The following DNAH3 variants were observed in gnomAD, a reference collection of about 807,000 sequenced individuals.
DNAH3 encodes dynein axonemal heavy chain 3.
In DNAH3, 332 loss-of-function variants were observed where a neutral mutation model predicts 432.5. That is an observed-to-expected ratio of 0.77 (90% CI 0.70 to 0.84). The LOEUF (loss-of-function observed/expected upper bound fraction) is 0.84. Among genes scored for constraint, DNAH3 ranks in the 40% least tolerant of loss-of-function variants. DNAH3 has a pLI of 0.00. For missense variants in DNAH3, 4,861 were observed against 5,114.0 expected, an observed-to-expected ratio of 0.95 and a Z score of 1.51; for synonymous variants, 1,956 against 1,900.2, an observed-to-expected ratio of 1.03 and a Z score of -0.76.
intron 7 of DNAH3, among the ~76,000 whole-genome samples, chr16:21,133,590 A>G (rs2092600558): frequency 1.3e-5 from 2 of 151,836 alleles, no homozygotes; most frequent in South Asian, 4.2e-4. Context: ...AAGATGCAAA[A>G]TTAGCCAGGC....
At chr16:21,156,195 ATTTTATTTAT>A (rs1201872899) in intron 1 of DNAH3, among the ~76,000 whole-genome samples, 176 of 140,084 alleles carry the variant, frequency 1.3e-3, no homozygotes, top group African/African-American at 3.0e-3. Context: ...ATTTTATTTT[ATTTTATTTAT>A]TTTATTTTAT....
intron 58 of DNAH3, 111 bp from the exon 59 acceptor site, chr16:20,941,654 T>C (rs1051232349): frequency 7.4e-7 from 1 of 1,360,256 alleles, no homozygotes; most frequent in East Asian, 2.3e-5. Context: ...TCTGTGGGAC[T>C]TTCCTGAGAA....
intron 10 of DNAH3, among the ~76,000 whole-genome samples, chr16:21,121,417 A>G (rs1016528334): frequency 2.0e-5 from 3 of 152,190 alleles, no homozygotes; most frequent in African/African-American, 4.8e-5. Flanking sequence ...ACAAACAAAT[A>G]AGCACACAGA....
intron 37 of DNAH3, among the ~76,000 whole-genome samples, chr16:21,028,699 A>T (rs2152721446): frequency 6.6e-6 from 1 of 152,122 alleles, no homozygotes; most frequent in East Asian, 1.9e-4. Flanking sequence ...TCTAGTGTGT[A>T]GCAAGTAAAA....
At chr16:21,146,218 T>C (rs2092781479) in intron 1 of DNAH3, 130 bp from the exon 3 acceptor site, 2 of 610,150 alleles carry the variant, frequency 3.3e-6, no homozygotes, top group East Asian at 5.6e-5. Context: ...AACAAAACAC[T>C]CCTCTCATTC....
chr16:20,975,976 C>T (rs1023846763), intron 50 of DNAH3, among the ~76,000 whole-genome samples: 4 of 152,180 alleles, frequency 2.6e-5, no homozygotes, highest in African/African-American at 9.6e-5. Context: ...AACTCCTGAC[C>T]TCAGGTGATC....
Position 21,060,359 on chromosome 16 carries a change from A to G in DNAH3, c.3721-3T>C. The G allele has an allele frequency of 2.5e-6, 4 of 1,612,866 alleles. No homozygotes were observed. The highest frequency in any genetic ancestry group is 3.4e-6 in the Non-Finnish European group (4 of 1,179,238). ...TGGAGCCACTTTTCCACCATGCCCT[A>G]TGGAGCAAGACAGAGAGAGGGTGCA... On this transcript the variant is annotated splice_region_variant and splice_polypyrimidine_tract_variant and intron_variant, in intron 25 of 61. Transcript: ENST00000261383.
At chr16:20,943,750 G>A (rs1596882205) in intron 58 of DNAH3, among the ~76,000 whole-genome samples, 1 of 152,120 alleles carries the variant, frequency 6.6e-6, no homozygotes, top group South Asian at 2.1e-4. Flanking sequence ...GGAAGCCAAC[G>A]CAAGCAGATT....
At chr16:21,000,270 C>G (rs768244435) in exon 43 of DNAH3, 1 of 1,614,102 alleles carries the variant, frequency 6.2e-7, no homozygotes, top group Non-Finnish European at 8.5e-7. Context: ...CGAAAAGGCC[C>G]TTCCGTCGTC....
At chr16:21,013,923 A>G (rs565101830) in intron 41 of DNAH3, among the ~76,000 whole-genome samples, 1 of 152,328 alleles carries the variant, frequency 6.6e-6, no homozygotes, top group South Asian at 2.1e-4. Context: ...TATCCATTAA[A>G]GAAATTTAAT....
In DNAH3 at chr16:21,060,222, G is replaced by C. The variant is rs374818382; in HGVS notation, c.3813+42C>G. 4.6e-5 allele frequency: 69 copies of C among 1,486,252 alleles called. No homozygotes were observed. The African/African-American group carries it at 8.4e-4, about 18-fold the overall frequency. 92.1% of individuals were successfully genotyped at this position (1,486,252 alleles called of 1,614,324 possible). ...AACCTTCTCCCCAATGTTCTCTTTA[G>C]TGCACTAGTGTCCTGGCATGTGTAC... is the stretch of plus-strand genomic sequence containing the variant. On this transcript the variant is annotated intron_variant, in intron 26 of 61. Transcript: ENST00000261383.
exon 46 of DNAH3, chr16:20,987,782 T>C (rs1187174823): frequency 5.6e-6 from 9 of 1,613,750 alleles, no homozygotes; most frequent in Non-Finnish European, 7.6e-6. Context: ...TTCGAGGGAG[T>C]TGGCAAGAAG....
At chr16:20,978,255 C>T (rs202028345) in intron 50 of DNAH3, among the ~76,000 whole-genome samples, 2 of 152,206 alleles carry the variant, frequency 1.3e-5, no homozygotes, top group South Asian at 2.1e-4. Flanking sequence ...GGTGGCCGGG[C>T]GGGTGGCTCA....
chr16:21,038,036 C>A, intron 33 of DNAH3, 56 bp from the exon 34 acceptor site: 1 of 1,488,958 alleles, frequency 6.7e-7, no homozygotes, highest in South Asian at 1.2e-5. Context: ...TCCTGCCCAG[C>A]AGACATTCCC....
At position 21,049,892 on chromosome 16, in the gene DNAH3, T is replaced by G; in HGVS notation, c.4347+18A>C. The stretch of plus-strand genomic sequence containing the variant: ...GAGGGCCTGGAAGAGAGGGAGGGGA[T>G]AGATGGCATTTGCTTACCTGCTTAG... On this transcript the variant is annotated intron_variant, in intron 30 of 61. Coordinates refer to ENST00000261383, the Ensembl canonical transcript of DNAH3. The G allele has an allele frequency of 6.3e-7, 1 of 1,593,128 alleles. No individual in the cohort carries two copies.
rs1479272369 is a variant in DNAH3 at position 21,036,843 on chromosome 16, A to G, written c.4956T>C (p.Ile1652=). Residue 1652 remains isoleucine, a synonymous_variant, in exon 35 of 62, where the codon ATT becomes ATC. Transcript: ENST00000261383. Reference sequence around the variant, plus strand: ...CAACTCCAGGAAATAAATCAGATATAATTCCCTGTTAAAAAGAATTTAAAA... The same window carrying G: ...CAACTCCAGGAAATAAATCAGATATGATTCCCTGTTAAAAAGAATTTAAAA... 1.9e-6 allele frequency: 3 copies of G among 1,608,182 alleles called. No homozygotes were observed. The Admixed American group carries it at 5.0e-5, about 27-fold the overall frequency.
chr16:20,967,799 C>T (rs183891806), intron 52 of DNAH3, among the ~76,000 whole-genome samples: 1 of 152,090 alleles, frequency 6.6e-6, no homozygotes, highest in East Asian at 1.9e-4. Context: ...TGACCCACCG[C>T]ACCTGGCCGA....
chr16:21,120,016 T>C (rs2092301404), intron 11 of DNAH3, among the ~76,000 whole-genome samples: 1 of 152,084 alleles, frequency 6.6e-6, no homozygotes, highest in Non-Finnish European at 1.5e-5. Flanking sequence ...CTCACAAATA[T>C]GCTTTCCTGC....
chr16:20,985,159 T>TC lies in DNAH3; in HGVS notation c.7582dup (p.Glu2528GlyfsTer15), dbSNP rs1162567884. 2 of 1,614,096 alleles carry TC rather than the reference T, an allele frequency of 1.2e-6. No individual in the cohort carries two copies. The highest frequency in any genetic ancestry group is 1.7e-6 in the Non-Finnish European group (2 of 1,180,034). On this transcript the variant is annotated frameshift_variant, in exon 48 of 62. Transcript: ENST00000261383. LOFTEE classifies it high-confidence loss of function. ...GGTCCTGGCTGCAGTCTGCATCTTCTCCACGATGTCAGCCTTCTCGTCAGC... is the reference window on the plus strand; with the variant it reads ...GGTCCTGGCTGCAGTCTGCATCTTCTCCCACGATGTCAGCCTTCTCGTCAGC...
Sources: allele counts gnomAD v4.1 joint callset (sites outside exome capture counted in the v4.1 genomes callset), GRCh38; gene constraint gnomAD v4.1.1; transcripts MANE v1.5; gene names NCBI Gene and HGNC (gene_info 2026-07-23, HGNC 2026-07-21).